Variants in CCDC178 observed in about 807,000 individuals in gnomAD.
The protein encoded by CCDC178 is coiled-coil domain-containing protein 178.
In CCDC178, 126 loss-of-function variants were observed where a neutral mutation model predicts 117.4. The ratio of observed to expected loss-of-function variants is 1.07; its 90% CI spans 0.93 to 1.24. The LOEUF (loss-of-function observed/expected upper bound fraction) is 1.24, where lower values mean the gene tolerates loss of function less well. Among genes scored for constraint, CCDC178 ranks in the 50% most tolerant of loss-of-function variants. The probability of loss-of-function intolerance (pLI) is 0.00; values close to 1 mark genes in which losing one functional copy is unlikely to be tolerated. For missense variants in CCDC178, 1,030 were observed against 986.9 expected (o/e 1.04, Z -0.59); for synonymous variants, 283 against 313.4 (o/e 0.90, Z 1.02).
chr18:33,251,974 T>C (rs1031100332), intron 14 of CCDC178, among the ~76,000 whole-genome samples: 2 of 151,706 alleles, frequency 1.3e-5, no homozygotes, highest in Admixed American at 6.6e-5. Context: ...TGTAACTAGG[T>C]TCTGTAAGAA....
At chr18:33,135,294 A>T (rs72943360) in intron 20 of CCDC178, among the ~76,000 whole-genome samples, 4,701 of 152,200 alleles carry the variant, frequency 0.031, 95 homozygotes, top group East Asian at 0.11. Context: ...ATAATGGTCA[A>T]AGTTTTGGTA....
chr18:32,946,401 T>C (rs542060899), intron 22 of CCDC178, among the ~76,000 whole-genome samples: 1 of 152,316 alleles, frequency 6.6e-6, no homozygotes, highest in African/African-American at 2.4e-5. Flanking sequence ...GACAGAGAAA[T>C]ATCATTTGAC....
At chr18:33,325,002 A>G (rs1324909334) in intron 10 of CCDC178, among the ~76,000 whole-genome samples, 1 of 151,612 alleles carries the variant, frequency 6.6e-6, no homozygotes, top group African/African-American at 2.4e-5. Context: ...TAATTATAAT[A>G]ATATTAAAAT....
chr18:33,284,578 G>T (rs778734748), intron 12 of CCDC178, among the ~76,000 whole-genome samples: 1 of 152,084 alleles, frequency 6.6e-6, no homozygotes, highest in East Asian at 1.9e-4. Flanking sequence ...ACTACATCTG[G>T]ATGGTGTTAT....
At chr18:33,429,980 G>C (rs915746219) in intron 2 of CCDC178, among the ~76,000 whole-genome samples, 2 of 152,080 alleles carry the variant, frequency 1.3e-5, no homozygotes, top group Non-Finnish European at 2.9e-5. Flanking sequence ...TGTTTTCAAT[G>C]CAAGTTTAGT....
chr18:33,144,386 G>A (rs996343811), intron 20 of CCDC178, among the ~76,000 whole-genome samples: 2 of 151,756 alleles, frequency 1.3e-5, no homozygotes, highest in African/African-American at 2.4e-5. Context: ...TTTTAATATT[G>A]TGACATTGAA....
chr18:33,090,804 T>G (rs145138443), intron 21 of CCDC178, among the ~76,000 whole-genome samples: 107 of 152,312 alleles, frequency 7.0e-4, no homozygotes, highest in Middle Eastern at 3.4e-3. Flanking sequence ...GTGATTCGTT[T>G]GAGGGATCAC....
At chr18:33,329,551 A>T (rs751459270) in intron 10 of CCDC178, among the ~76,000 whole-genome samples, 2 of 152,008 alleles carry the variant, frequency 1.3e-5, no homozygotes, top group African/African-American at 2.4e-5. Flanking sequence ...CAATCGTGTG[A>T]GTGTGTGTGT....
At chr18:33,285,972 T>C (rs1316665334) in intron 12 of CCDC178, among the ~76,000 whole-genome samples, 1 of 73,870 alleles carries the variant, frequency 1.4e-5, no homozygotes, top group African/African-American at 4.4e-5. Flanking sequence ...ATTAGCAATG[T>C]GTATTTTTTT....
intron 20 of CCDC178, among the ~76,000 whole-genome samples, chr18:33,157,120 C>G (rs930915471): frequency 3.9e-5 from 6 of 152,118 alleles, no homozygotes; most frequent in Admixed American, 2.0e-4. Context: ...TCCCAATTTT[C>G]TGATAACTGG....
At chr18:33,170,841 T>A (rs1471081641) in intron 20 of CCDC178, among the ~76,000 whole-genome samples, 1 of 152,206 alleles carries the variant, frequency 6.6e-6, no homozygotes, top group Non-Finnish European at 1.5e-5. Flanking sequence ...TTCAGTTTAT[T>A]AATAATCCAT....
At chr18:33,097,550 C>T (rs2057561334) in intron 20 of CCDC178, among the ~76,000 whole-genome samples, 1 of 152,102 alleles carries the variant, frequency 6.6e-6, no homozygotes, top group Non-Finnish European at 1.5e-5. Flanking sequence ...CAAGTTTGCA[C>T]AGCTATTAGG....
chr18:33,245,816 C>T (rs1568084625), intron 14 of CCDC178, among the ~76,000 whole-genome samples: 1 of 151,834 alleles, frequency 6.6e-6, no homozygotes, highest in Non-Finnish European at 1.5e-5. Flanking sequence ...AAAGCATATA[C>T]AAGAGCAAAG....
At chr18:33,237,668 A>G (rs902987676) in intron 15 of CCDC178, among the ~76,000 whole-genome samples, 1 of 152,118 alleles carries the variant, frequency 6.6e-6, no homozygotes, top group Non-Finnish European at 1.5e-5. Flanking sequence ...GCCAGCGAGG[A>G]AACCATATGG....
At chr18:33,232,213 G>A (rs898264491) in intron 15 of CCDC178, among the ~76,000 whole-genome samples, 1 of 152,070 alleles carries the variant, frequency 6.6e-6, no homozygotes, top group Admixed American at 6.6e-5. Flanking sequence ...TCACAAACCA[G>A]AAGGTGGCAG....
chr18:33,282,421 C>T (rs1260725012), intron 12 of CCDC178, among the ~76,000 whole-genome samples: 1 of 152,160 alleles, frequency 6.6e-6, no homozygotes, highest in African/African-American at 2.4e-5. Context: ...CGGTCCTGAT[C>T]TCTGCAAGCT....
At chr18:32,992,475 C>T (rs2055414492) in intron 21 of CCDC178, among the ~76,000 whole-genome samples, 1 of 151,988 alleles carries the variant, frequency 6.6e-6, no homozygotes, top group Non-Finnish European at 1.5e-5. Flanking sequence ...AAAAAAGTGA[C>T]AAGGTGGCAA....
intron 21 of CCDC178, among the ~76,000 whole-genome samples, chr18:33,020,765 T>G (rs1428122593): frequency 6.7e-6 from 1 of 149,470 alleles, no homozygotes; most frequent in African/African-American, 2.5e-5. Flanking sequence ...ACAAACAACC[T>G]TTTTTTTTTC....
intron 21 of CCDC178, among the ~76,000 whole-genome samples, chr18:33,059,408 C>T (rs2056885191): frequency 6.6e-6 from 1 of 152,132 alleles, no homozygotes; most frequent in South Asian, 2.1e-4. Flanking sequence ...AACACATTCT[C>T]TTCTATCTGA....
Sources: allele counts gnomAD v4.1 joint callset (sites outside exome capture counted in the v4.1 genomes callset), GRCh38; gene constraint gnomAD v4.1.1; transcripts MANE v1.5; gene names NCBI Gene and HGNC (gene_info 2026-07-23, HGNC 2026-07-21).